The following FARP2 variants were observed in gnomAD, a reference collection of about 807,000 sequenced individuals.
FARP2 encodes FERM, ARH/RhoGEF and pleckstrin domain protein 2.
In FARP2, 111 loss-of-function variants were observed where a neutral mutation model predicts 130.5. That is an observed-to-expected ratio of 0.85 (90% confidence interval 0.73 to 1.00). FARP2 has a LOEUF of 1.00. Among genes scored for constraint, FARP2 ranks in the 50% least tolerant of loss-of-function variants. The pLI, the probability that FARP2 is intolerant of heterozygous loss-of-function variation, is 0.00. For missense variants in FARP2, 1,385 were observed against 1,346.3 expected (o/e 1.03, Z -0.45); for synonymous variants, 504 against 516.9 (o/e 0.98, Z 0.34).
intron 1 of FARP2, among the ~76,000 whole-genome samples, chr2:241,368,968 A>G (rs1438074548): frequency 6.6e-6 from 1 of 152,154 alleles, no homozygotes; most frequent in East Asian, 1.9e-4. Flanking sequence ...TTGGGATATC[A>G]GCAACAGAGT....
At chr2:241,367,954 C>T (rs774932649) in intron 1 of FARP2, among the ~76,000 whole-genome samples, 2 of 151,444 alleles carry the variant, frequency 1.3e-5, no homozygotes, top group Non-Finnish European at 2.9e-5. Context: ...AAGAGATTTT[C>T]CATATACCCT....
At chr2:241,417,856 A>C in intron 7 of FARP2, 106 bp from the exon 8 acceptor site, 1 of 1,276,596 alleles carries the variant, frequency 7.8e-7, no homozygotes, top group Non-Finnish European at 1.1e-6. Context: ...CCCTCTAAAC[A>C]CACAAAGCCT....
rs1035461075 is a variant in FARP2 at position 241,482,536 on chromosome 2, G to A, written c.2263-929G>A. On this transcript the variant is annotated intron_variant, in intron 19 of 26. Coordinates refer to ENST00000264042, the MANE Select transcript of FARP2 (RefSeq NM_014808.4). The surrounding 1 kb of genome is among the most constrained non-coding windows in gnomAD (Gnocchi z 4.6). Reference sequence around the variant, plus strand: ...GGCAGATGTGGAGTGAGAGCCACAAGCTTAGTTACCGGCCCCATCCAGTTA... The same window carrying A: ...GGCAGATGTGGAGTGAGAGCCACAAACTTAGTTACCGGCCCCATCCAGTTA... Among the ~76,000 whole-genome samples, 12 of 152,228 alleles carry A rather than the reference G, an allele frequency of 7.9e-5. No homozygotes were observed. In the East Asian group the frequency reaches 2.1e-3, roughly 27 times the overall value.
intron 14 of FARP2, among the ~76,000 whole-genome samples, chr2:241,461,667 C>A (rs983000724): frequency 2.6e-5 from 4 of 152,236 alleles, no homozygotes; most frequent in African/African-American, 4.8e-5. Flanking sequence ...TGTCCAGGCG[C>A]CTATTCGGAG....
intron 1 of FARP2, among the ~76,000 whole-genome samples, chr2:241,366,304 A>G (rs1342337513): frequency 6.6e-6 from 1 of 151,558 alleles, no homozygotes; most frequent in African/African-American, 2.4e-5. Flanking sequence ...CATCCCCCAC[A>G]GAAGTGTTGA....
At chr2:241,420,674 C>A (rs1045521153) in intron 8 of FARP2, among the ~76,000 whole-genome samples, 2 of 152,202 alleles carry the variant, frequency 1.3e-5, no homozygotes, top group Non-Finnish European at 2.9e-5. Context: ...GTCTGCACGC[C>A]AGGCAGGGGT....
intron 1 of FARP2, among the ~76,000 whole-genome samples, chr2:241,371,414 G>A (rs1204694519): frequency 6.6e-6 from 1 of 152,200 alleles, no homozygotes; most frequent in East Asian, 1.9e-4. Flanking sequence ...AGCCCGGGAG[G>A]TGGAGGTTGC....
At chr2:241,466,941 T>G (rs557890240) in intron 17 of FARP2, among the ~76,000 whole-genome samples, 1 of 149,640 alleles carries the variant, frequency 6.7e-6, no homozygotes, top group Non-Finnish European at 1.5e-5. Context: ...AATAAAAGTG[T>G]TTTGTTAAAA....
intron 4 of FARP2, among the ~76,000 whole-genome samples, chr2:241,406,435 A>C (rs2062351232): frequency 6.6e-6 from 1 of 151,862 alleles, no homozygotes; most frequent in Non-Finnish European, 1.5e-5. Context: ...AGAGAGAGAG[A>C]GAGCACGCGC....
chr2:241,380,873 T>C (rs536974010), intron 2 of FARP2, among the ~76,000 whole-genome samples: 17 of 152,054 alleles, frequency 1.1e-4, no homozygotes, highest in Non-Finnish European at 1.5e-5. Flanking sequence ...AGTGGGTGGG[T>C]AGTGCGTGTT....
chr2:241,361,868 T>TTTA (rs796784527), intron 1 of FARP2, among the ~76,000 whole-genome samples: 6 of 151,668 alleles, frequency 4.0e-5, no homozygotes, highest in African/African-American at 7.2e-5. Flanking sequence ...TCTTGTCCCC[T>TTTA]TTATTATTAT....
intron 18 of FARP2, among the ~76,000 whole-genome samples, chr2:241,469,339 C>T (rs1289293001): frequency 1.3e-5 from 2 of 152,170 alleles, no homozygotes; most frequent in African/African-American, 4.8e-5. Context: ...CCTGCCTCAA[C>T]CTCCCAAAGT....
intron 18 of FARP2, among the ~76,000 whole-genome samples, chr2:241,474,726 A>T (rs2064409945): frequency 6.6e-6 from 1 of 151,694 alleles, no homozygotes; most frequent in African/African-American, 2.4e-5. Flanking sequence ...TGAGAGGCGG[A>T]GGTTTCAGTG....
chr2:241,490,923 A>G, intron 22 of FARP2, 138 bp from the exon 23 acceptor site: 1 of 706,608 alleles, frequency 1.4e-6, no homozygotes. Flanking sequence ...TGGAGGGGAC[A>G]CGTTTCCCAG....
chr2:241,481,600 G>A (rs1332862279), intron 19 of FARP2, among the ~76,000 whole-genome samples: 1 of 152,216 alleles, frequency 6.6e-6, no homozygotes, highest in Admixed American at 6.5e-5. Flanking sequence ...CTCCTTGGCT[G>A]CATAGCTTTG....
At chr2:241,394,239 C>T (rs1352267687) in intron 2 of FARP2, among the ~76,000 whole-genome samples, 1 of 152,138 alleles carries the variant, frequency 6.6e-6, no homozygotes, top group Non-Finnish European at 1.5e-5. Flanking sequence ...GACATGTGGG[C>T]CAGGTGCTTT....
At chr2:241,442,854 A>T (rs1197606207) in intron 13 of FARP2, 8 of 249,760 alleles carry the variant, frequency 3.2e-5, no homozygotes, top group Middle Eastern at 1.5e-3. Context: ...TACATTCTGA[A>T]TGTTACACAA....
Position 241,492,998 on chromosome 2 carries a change from T to C in FARP2, c.2857T>C (p.Phe953Leu). The C allele has an allele frequency of 6.2e-7, 1 of 1,610,994 alleles. No homozygotes were observed. The highest frequency in any genetic ancestry group is 8.5e-7 in the Non-Finnish European group (1 of 1,177,172). ...TGGCTGGCAGAAGCTCTGGGTCGTC[T>C]TTACCAACTTCTGTTTGTTCTTCTA... ...SHGWQKLWVV[F>L]TNFCLFFYKT... is the part of the protein sequence containing the mutation. The change falls in exon 25 of 27, where the codon TTT (phenylalanine) becomes CTT (leucine). Residue 953 changes from phenylalanine to leucine, a missense_variant. Physicochemically the swap from Phe to Leu is conservative, Grantham distance 22. Coordinates refer to ENST00000264042, the MANE Select transcript of FARP2 (RefSeq NM_014808.4).
At chr2:241,493,923 T>C in intron 26 of FARP2, 85 bp from the exon 27 acceptor site, 1 of 869,322 alleles carries the variant, frequency 1.2e-6, no homozygotes, top group Non-Finnish European at 1.7e-6. Flanking sequence ...TCTTTTGTCC[T>C]GCTTGTCCCA....
Sources: gnomAD v4.1 joint callset for allele counts (sites outside exome capture counted in the v4.1 genomes callset) on GRCh38, gnomAD v4.1.1 for gene constraint, Gnocchi (gnomAD v3.1) non-coding constraint, MANE v1.5 for transcripts, NCBI Gene and HGNC (gene_info 2026-07-23, HGNC 2026-07-21) for gene names.